Variants in SORCS3 observed in about 807,000 individuals in gnomAD.
SORCS3 encodes the protein sortilin related VPS10 domain containing receptor 3.
SORCS3 carries 57 observed loss-of-function variants against 146.3 expected under a neutral mutation model. The ratio of observed to expected loss-of-function variants is 0.39; its 90% CI spans 0.31 to 0.49. SORCS3 has a LOEUF of 0.49. Ranked by LOEUF, SORCS3 falls within the 20% of genes least tolerant of loss-of-function variation. The pLI is 0.92. For missense variants in SORCS3, 1,341 were observed against 1,575.5 expected (o/e 0.85, Z 2.52); for synonymous variants, 653 against 618.5 (o/e 1.06, Z -0.83).
At position 104,928,261 on chromosome 10, in the gene SORCS3, C is replaced by T. The variant is rs80105200; in HGVS notation, c.795+12329C>T. ...GAGACCTGTGTCTCAGGAAGGCTGG[C>T]GACCAGCCTCTCAGACTGATGAGAT... On this transcript the variant is annotated intron_variant, in intron 3 of 26. Transcript: ENST00000369701. Among the ~76,000 whole-genome samples, 1,101 of 152,220 alleles carry T rather than the reference C, an allele frequency of 7.2e-3. 12 individuals are homozygous for T. The highest frequency in any genetic ancestry group is 0.025 in the African/African-American group (1,049 of 41,540).
chr10:105,123,646 G>A (rs74157443), intron 7 of SORCS3, among the ~76,000 whole-genome samples: 2,091 of 152,232 alleles, frequency 0.014, 49 homozygotes, highest in African/African-American at 0.047. Context: ...ATAGTCGAGA[G>A]AGGGAGAGAT....
At chr10:104,773,148 C>T (rs561461664) in intron 1 of SORCS3, among the ~76,000 whole-genome samples, 13 of 152,054 alleles carry the variant, frequency 8.5e-5, no homozygotes, top group Non-Finnish European at 1.8e-4. Flanking sequence ...ATGTGAGTCC[C>T]GAGGAGGTCA....
chr10:105,118,386 A>G (rs1025700712), intron 7 of SORCS3, among the ~76,000 whole-genome samples: 1 of 152,290 alleles, frequency 6.6e-6, no homozygotes, highest in South Asian at 2.1e-4. Flanking sequence ...TTGTGAGTCA[A>G]TTAAACCTCT....
chr10:105,257,895 A>C (rs1458980519), intron 25 of SORCS3, among the ~76,000 whole-genome samples: 1 of 152,172 alleles, frequency 6.6e-6, no homozygotes, highest in Non-Finnish European at 1.5e-5. Flanking sequence ...TCAGTGGCCT[A>C]GAAATGTGCT....
At position 104,853,022 on chromosome 10, in the gene SORCS3, G is replaced by A. The variant is rs546845726; in HGVS notation, c.695+10163G>A. On this transcript the variant is annotated intron_variant, in intron 2 of 26. Coordinates refer to ENST00000369701, the MANE Select transcript of SORCS3 (RefSeq NM_014978.3). ...GGACACAAAAACTGGGGAATAGGCC[G>A]GGCGCGGTGGCTCATGCCTGTAATC... Among the ~76,000 whole-genome samples the A allele has an allele frequency of 9.2e-5, 14 of 152,288 alleles. No homozygotes were observed. The East Asian group carries it at 1.2e-3, about 13-fold the overall frequency.
At chr10:104,941,463 G>A (rs1475683057) in intron 3 of SORCS3, among the ~76,000 whole-genome samples, 2 of 152,168 alleles carry the variant, frequency 1.3e-5, no homozygotes, top group African/African-American at 4.8e-5. Flanking sequence ...GGTCTCTTCA[G>A]AGGAGGCTAA....
intron 1 of SORCS3, among the ~76,000 whole-genome samples, chr10:104,702,193 A>G (rs557680457): frequency 1.3e-5 from 2 of 152,308 alleles, no homozygotes; most frequent in Admixed American, 6.5e-5. Context: ...TTTGAGCACA[A>G]TGGAAACACA....
intron 1 of SORCS3, among the ~76,000 whole-genome samples, chr10:104,689,082 T>C (rs1185083768): frequency 6.6e-6 from 1 of 152,272 alleles, no homozygotes; most frequent in African/African-American, 2.4e-5. Context: ...CCTCGGCATA[T>C]GAGGCCCTGC....
intron 1 of SORCS3, among the ~76,000 whole-genome samples, chr10:104,787,908 A>AT (rs1342072150): frequency 6.6e-6 from 1 of 152,096 alleles, no homozygotes; most frequent in Non-Finnish European, 1.5e-5. Context: ...ACAATTGCAG[A>AT]TTTTTATGAC....
At chr10:104,991,715 G>A (rs940981703) in intron 4 of SORCS3, among the ~76,000 whole-genome samples, 3 of 152,026 alleles carry the variant, frequency 2.0e-5, no homozygotes, top group Non-Finnish European at 4.4e-5. Context: ...TGGCCAGGCT[G>A]GTCTCGAACT....
At chr10:105,004,167 T>C (rs114559283) in intron 4 of SORCS3, among the ~76,000 whole-genome samples, 1 of 152,116 alleles carries the variant, frequency 6.6e-6, no homozygotes, top group African/African-American at 2.4e-5. Context: ...CCTGACAGCA[T>C]GGACTATGTA....
At chr10:104,809,396 C>T (rs553956290) in intron 1 of SORCS3, among the ~76,000 whole-genome samples, 88 of 152,308 alleles carry the variant, frequency 5.8e-4, no homozygotes, top group Middle Eastern at 3.4e-3. Flanking sequence ...GTCTCATCCT[C>T]CAGCAGGCTA....
intron 12 of SORCS3, among the ~76,000 whole-genome samples, chr10:105,165,418 C>G (rs1307006553): frequency 1.4e-4 from 22 of 152,128 alleles, no homozygotes; most frequent in Admixed American, 1.4e-3. Context: ...TCTTGTTAGA[C>G]AAGTTCCTGT....
At chr10:105,251,085 T>C (rs557413524) in intron 22 of SORCS3, among the ~76,000 whole-genome samples, 1 of 152,322 alleles carries the variant, frequency 6.6e-6, no homozygotes, top group African/African-American at 2.4e-5. Context: ...GAACCTGTAT[T>C]AGTCCATTCT....
At chr10:104,868,318 C>G (rs1197393860) in intron 2 of SORCS3, among the ~76,000 whole-genome samples, 1 of 152,206 alleles carries the variant, frequency 6.6e-6, no homozygotes, top group East Asian at 1.9e-4. Flanking sequence ...AGTTCCAAAA[C>G]TATGAGCAAA....
chr10:105,128,969 A>G (rs953656600), intron 7 of SORCS3, among the ~76,000 whole-genome samples: 1 of 152,170 alleles, frequency 6.6e-6, no homozygotes, highest in Non-Finnish European at 1.5e-5. Flanking sequence ...GAGATGGGTT[A>G]CAATGCCTAA....
At chr10:105,131,420 A>T (rs703483) in intron 7 of SORCS3, among the ~76,000 whole-genome samples, 236 of 152,232 alleles carry the variant, frequency 1.6e-3, no homozygotes, top group African/African-American at 5.6e-3. Context: ...TCCACATGTC[A>T]TTTCTTATTA....
intron 7 of SORCS3, among the ~76,000 whole-genome samples, chr10:105,138,367 C>T (rs1024731804): frequency 2.0e-5 from 3 of 152,186 alleles, no homozygotes; most frequent in Non-Finnish European, 4.4e-5. Context: ...GAAGTTACAG[C>T]TCTTCTGCTC....
At chr10:104,892,115 GC>G (rs2018755082) in intron 2 of SORCS3, among the ~76,000 whole-genome samples, 1 of 152,142 alleles carries the variant, frequency 6.6e-6, no homozygotes, top group African/African-American at 2.4e-5. Context: ...AAAACATGTG[GC>G]CCTTAAAAAT....
Sources: gnomAD v4.1 joint callset for allele counts (sites outside exome capture counted in the v4.1 genomes callset) on GRCh38, gnomAD v4.1.1 for gene constraint, MANE v1.5 for transcripts, NCBI Gene and HGNC (gene_info 2026-07-23, HGNC 2026-07-21) for gene names.